Variants in ITGA11 observed in about 807,000 individuals in gnomAD.
The protein encoded by ITGA11 is integrin alpha-11.
In ITGA11, 97 loss-of-function variants were observed where a neutral mutation model predicts 141.9. The ratio of observed to expected loss-of-function variants is 0.68; its 90% CI spans 0.58 to 0.81. ITGA11 has a LOEUF of 0.81. Among genes scored for constraint, ITGA11 ranks in the 30% least tolerant of loss-of-function variants. The pLI is 0.00. For synonymous variants in ITGA11, 658 were observed against 624.6 expected (o/e 1.05, Z -0.80); for missense variants, 1,387 against 1,559.2 (o/e 0.89, Z 1.86).
intron 2 of ITGA11, among the ~76,000 whole-genome samples, chr15:68,397,799 T>TA (rs1896359028): frequency 9.4e-6 from 1 of 106,382 alleles, no homozygotes; most frequent in Non-Finnish European, 1.8e-5. Flanking sequence ...AATATAAAAT[T>TA]ATTAATAATA....
intron 3 of ITGA11, 102 bp from the exon 4 acceptor site, chr15:68,364,900 C>A: frequency 1.7e-6 from 2 of 1,154,864 alleles, no homozygotes; most frequent in East Asian, 2.5e-5. Context: ...CCGATTCTCC[C>A]TGACCCTGGG....
At chr15:68,349,353 T>A (rs1894835197) in intron 9 of ITGA11, among the ~76,000 whole-genome samples, 1 of 152,186 alleles carries the variant, frequency 6.6e-6, no homozygotes, top group Admixed American at 6.5e-5. Context: ...AAATCCACCC[T>A]CAGAGGGAGG....
rs986095858 is a variant in ITGA11 at position 68,311,033 on chromosome 15, G to A, written c.3135C>T (p.Pro1045=). 10 of 1,607,236 alleles carry A rather than the reference G, an allele frequency of 6.2e-6. No homozygotes were observed. Among genetic ancestry groups the A allele is most frequent in the Non-Finnish European group, 8.5e-6 (10 of 1,176,826 alleles). ...NIWGNSTEYR[P]TPVEEDLRRA... is the part of the protein sequence containing the mutation. ...GACGCAAGTCTTCCTCCACTGGGGT[G>A]GGCCGGTACTCAGTGCTATTGCCCC... The change falls in exon 26 of 30, where the codon CCC becomes CCT. Residue 1045 remains proline (P), a synonymous_variant. Transcript: ENST00000315757.
Position 68,360,258 on chromosome 15 carries a change from G to A in ITGA11, c.472+1332C>T, listed in dbSNP as rs562949409. On this transcript the variant is annotated intron_variant, in intron 5 of 29. Transcript: ENST00000315757. The stretch of plus-strand genomic sequence containing the variant: ...TGCAGGCAGCAGTGGGGGTGACCAA[G>A]ACAGAAATTCCTTGATTTGGAGGAG... Among the ~76,000 whole-genome samples, 6 of 152,354 alleles carry A rather than the reference G, an allele frequency of 3.9e-5. 2 individuals carry two copies. The South Asian group carries it at 1.0e-3, about 26-fold the overall frequency.
At chr15:68,385,766 A>T (rs1895970928) in intron 2 of ITGA11, among the ~76,000 whole-genome samples, 2 of 152,222 alleles carry the variant, frequency 1.3e-5, no homozygotes, top group Non-Finnish European at 2.9e-5. Flanking sequence ...ACTAGGTTTC[A>T]GTCCCGGCCC....
intron 14 of ITGA11, 64 bp from the exon 15 acceptor site, chr15:68,331,175 G>C (rs567301892): frequency 6.9e-7 from 1 of 1,440,804 alleles, no homozygotes. Context: ...GGGCGTCCCC[G>C]AGCAGCAGGA....
rs200761705 is a variant in ITGA11 at position 68,311,344 on chromosome 15, G to T, written c.3033C>A (p.Ile1011=). The change falls in exon 25 of 30, where the codon ATC becomes ATA. Residue 1011 remains isoleucine, a synonymous_variant. Coordinates refer to ENST00000315757, the MANE Select transcript of ITGA11 (RefSeq NM_001004439.2). Reference sequence around the variant, plus strand: ...GTAGGCGGTTGCCGCTCCTGGTGGCGATGGGAATGGTGATCTTCATCATCA... The same window carrying T: ...GTAGGCGGTTGCCGCTCCTGGTGGCTATGGGAATGGTGATCTTCATCATCA... ...HGMMMKITIP[I]ATRSGNRLLK... 1.3e-6 allele frequency: 2 copies of T among 1,578,696 alleles called. No homozygotes were observed. Among genetic ancestry groups the T allele is most frequent in the African/African-American group, 2.7e-5 (2 of 74,272 alleles).
Position 68,307,524 on chromosome 15 carries a change from A to T in ITGA11, c.3285+62T>A. On this transcript the variant is annotated intron_variant, in intron 27 of 29. Coordinates refer to ENST00000315757, the MANE Select transcript of ITGA11 (RefSeq NM_001004439.2). The surrounding 1 kb of genome is among the most constrained non-coding windows in gnomAD (Gnocchi z 6.1). Reference sequence around the variant, plus strand: ...CTCCCCAGGCAGCCCCAGGTGGAAGACATCCCAACAGCCGCCCCCTTTCCC... The same window carrying T: ...CTCCCCAGGCAGCCCCAGGTGGAAGTCATCCCAACAGCCGCCCCCTTTCCC... The T allele has an allele frequency of 6.6e-7, 1 of 1,516,156 alleles. No homozygotes were observed. The highest frequency in any genetic ancestry group is 1.2e-5 in the South Asian group (1 of 84,476). The allele number at this position is 1,516,156 out of a possible 1,614,324, so 93.9% of individuals were successfully genotyped here. A position where few individuals can be genotyped will look rare whatever the true frequency, so the allele number is the denominator to read the frequency against.
chr15:68,315,968 G>A (rs566945448), intron 21 of ITGA11, among the ~76,000 whole-genome samples: 1 of 152,326 alleles, frequency 6.6e-6, no homozygotes, highest in South Asian at 2.1e-4. Flanking sequence ...GTTTCTCGGG[G>A]CTGAGCCAGC....
chr15:68,303,816 C>T lies in ITGA11; in HGVS notation c.3451G>A (p.Gly1151Arg). 1 of 1,613,282 alleles carries T rather than the reference C, an allele frequency of 6.2e-7. No homozygotes were observed. Among genetic ancestry groups the T allele is most frequent in the Non-Finnish European group, 8.5e-7 (1 of 1,179,470 alleles). Residue 1151 changes from glycine (G) to arginine (R), a missense_variant, in exon 29 of 30, where the codon GGG becomes AGG. Gly to Arg is a moderately radical substitution (Grantham distance 125). Transcript: ENST00000315757. This position sits in a 1 kb window ranked among gnomAD's most constrained non-coding sequence, Gnocchi z 5.3. ...PIWIIVGSTL[G>R]GLLLLALLVL... The stretch of plus-strand genomic sequence containing the variant: ...AGCAGGGCCAGCAGTAGGAGGCCCC[C>T]CAGGGTGCTGCCTACAATGATCCAG...
At chr15:68,368,856 A>C (rs941397034) in intron 3 of ITGA11, among the ~76,000 whole-genome samples, 29 of 119,582 alleles carry the variant, frequency 2.4e-4, no homozygotes, top group East Asian at 9.8e-4. Flanking sequence ...AAAGACAGGA[A>C]GTCCTTTTTT....
chr15:68,345,348 G>T (rs1369875589), intron 10 of ITGA11, among the ~76,000 whole-genome samples: 2 of 152,134 alleles, frequency 1.3e-5, no homozygotes, highest in Non-Finnish European at 2.9e-5. Context: ...CAGCTACCCG[G>T]GTTTTCCCAA....
intron 8 of ITGA11, 29 bp downstream of exon 8, chr15:68,351,229 C>T (rs1166437192): frequency 6.2e-7 from 1 of 1,612,094 alleles, no homozygotes; most frequent in Non-Finnish European, 8.5e-7. Flanking sequence ...CAGAGGCCAT[C>T]AGCAGCCCTT....
chr15:68,424,920 C>T lies in ITGA11; in HGVS notation c.52+7095G>A, dbSNP rs111634102. On this transcript the variant is annotated intron_variant, in intron 1 of 29. Coordinates refer to ENST00000315757, the MANE Select transcript of ITGA11 (RefSeq NM_001004439.2). ...CTTAAAAATGACCTCACAGCTCTGG[C>T]GTGTGCCTTTAGAACTGCTCCACAG... Among the ~76,000 whole-genome samples, 9 of 152,324 alleles carry T rather than the reference C, an allele frequency of 5.9e-5. No homozygotes were observed. In the East Asian group the frequency reaches 7.7e-4, roughly 13 times the overall value.
At chr15:68,420,668 G>T (rs1451078920) in intron 1 of ITGA11, among the ~76,000 whole-genome samples, 2 of 152,162 alleles carry the variant, frequency 1.3e-5, no homozygotes, top group Admixed American at 6.5e-5. Context: ...TGGCAGGCGG[G>T]TGGGGAGATT....
At chr15:68,418,610 A>G (rs919161723) in intron 1 of ITGA11, among the ~76,000 whole-genome samples, 2 of 123,394 alleles carry the variant, frequency 1.6e-5, no homozygotes, top group Admixed American at 2.3e-4. Flanking sequence ...ACACAACTGC[A>G]GAGGATGCTG....
At position 68,311,094 on chromosome 15, in the gene ITGA11, A is replaced by T; in HGVS notation, c.3088-14T>A. 6.3e-7 allele frequency: 1 copy of T among 1,587,140 alleles called. No individual in the cohort carries two copies. Among genetic ancestry groups the T allele is most frequent in the Non-Finnish European group, 8.6e-7 (1 of 1,160,630 alleles). The stretch of plus-strand genomic sequence containing the variant: ...GGACGTGTTCGCCTACATAAAGGAC[A>T]TGGACACACACACACATACACAGCC... On this transcript the variant is annotated splice_polypyrimidine_tract_variant and intron_variant, in intron 25 of 29. Transcript: ENST00000315757.
intron 10 of ITGA11, among the ~76,000 whole-genome samples, chr15:68,346,232 G>A (rs765403930): frequency 6.6e-6 from 1 of 152,112 alleles, no homozygotes; most frequent in African/African-American, 2.4e-5. Flanking sequence ...TGACGTGACC[G>A]AAGTCTTGTG....
At chr15:68,385,706 C>A (rs1045467914) in intron 2 of ITGA11, among the ~76,000 whole-genome samples, 10 of 152,236 alleles carry the variant, frequency 6.6e-5, no homozygotes, top group Admixed American at 5.9e-4. Context: ...TTGTTATTCC[C>A]GGTGGAAATG....
Sources: gnomAD v4.1 joint callset for allele counts (sites outside exome capture counted in the v4.1 genomes callset) on GRCh38, gnomAD v4.1.1 for gene constraint, Gnocchi (gnomAD v3.1) non-coding constraint, MANE v1.5 for transcripts, NCBI Gene and HGNC (gene_info 2026-07-23, HGNC 2026-07-21) for gene names.